METTL24: variants seen among roughly 807,000 people sequenced by gnomAD.
METTL24 encodes the protein probable methyltransferase-like protein 24.
METTL24 carries 29 observed loss-of-function variants against 32.7 expected under a neutral mutation model. That is an observed-to-expected ratio of 0.89 (90% confidence interval 0.66 to 1.21). The LOEUF is 1.21. Ranked by LOEUF, METTL24 falls within the 50% of genes most tolerant of loss-of-function variation. The pLI is 0.00. For synonymous variants in METTL24, 163 were observed against 179.5 expected (o/e 0.91, Z 0.73); for missense variants, 439 against 468.1 (o/e 0.94, Z 0.57).
chr6:110,331,253 G>C (rs555014580), intron 1 of METTL24, among the ~76,000 whole-genome samples: 34 of 152,256 alleles, frequency 2.2e-4, no homozygotes, highest in African/African-American at 7.0e-4. Context: ...TTGTGGGCAG[G>C]GGGGAAAGAG....
intron 4 of METTL24, among the ~76,000 whole-genome samples, chr6:110,273,690 C>G (rs1292330104): frequency 6.6e-6 from 1 of 152,152 alleles, no homozygotes; most frequent in Non-Finnish European, 1.5e-5. Context: ...CTTACCCCTG[C>G]AAGAATGGCA....
At chr6:110,281,910 G>A (rs17071379) in intron 4 of METTL24, among the ~76,000 whole-genome samples, 21,486 of 152,094 alleles carry the variant, frequency 0.14, 3,213 homozygotes, top group African/African-American at 0.38. Flanking sequence ...CTGTCACTAA[G>A]TAAAATATTT....
chr6:110,250,579 T>C (rs1207318249), intron 4 of METTL24, among the ~76,000 whole-genome samples: 1 of 152,024 alleles, frequency 6.6e-6, no homozygotes, highest in Non-Finnish European at 1.5e-5. Flanking sequence ...GCTTTTGCAA[T>C]AGGGCTTTTG....
In METTL24 at chr6:110,302,991, A is replaced by G. The variant is rs377039684; in HGVS notation, c.558-3841T>C. On this transcript the variant is annotated intron_variant, in intron 3 of 4. Coordinates refer to ENST00000338882, the MANE Select transcript of METTL24 (RefSeq NM_001123364.3). ...CTCATCTCATTGGGACTGGTTAGAC[A>G]GTGGGTGCATCCCACAGAGGGCGAG... Among the ~76,000 whole-genome samples, 110 of 152,198 alleles carry G rather than the reference A, an allele frequency of 7.2e-4. 3 individuals carry two copies. In the South Asian group the frequency reaches 0.018, roughly 25 times the overall value.
At chr6:110,346,028 C>T (rs1014314587) in intron 1 of METTL24, among the ~76,000 whole-genome samples, 15 of 152,192 alleles carry the variant, frequency 9.9e-5, no homozygotes, top group Admixed American at 9.8e-4. Flanking sequence ...AGCTTATGGG[C>T]CATACATAAG....
At chr6:110,283,740 T>G (rs945280121) in intron 4 of METTL24, among the ~76,000 whole-genome samples, 1 of 152,224 alleles carries the variant, frequency 6.6e-6, no homozygotes, top group Non-Finnish European at 1.5e-5. Context: ...TGTAAAATTA[T>G]GTACCTGCTA....
chr6:110,257,710 T>G (rs1001004969), intron 4 of METTL24, among the ~76,000 whole-genome samples: 1 of 152,252 alleles, frequency 6.6e-6, no homozygotes, highest in Non-Finnish European at 1.5e-5. Context: ...TAGCCTTGGC[T>G]GATAACACCA....
In METTL24 at chr6:110,246,083, T is replaced by C. The variant is rs1778152888; in HGVS notation, c.964A>G (p.Lys322Glu). The C allele has an allele frequency of 6.2e-7, 1 of 1,614,194 alleles. No individual in the cohort carries two copies. ...SVVRFWYSLL[K>E]ELEQKDFRLF... ...CTGAAATCCTTTTGTTCTAACTCTT[T>C]GAGAAGGCTGTACCAGAACCGCACA... Residue 322 changes from lysine (K) to glutamate (E), a missense_variant, in exon 5 of 5, where the codon AAA becomes GAA. Physicochemically the swap from Lys to Glu is moderately conservative, Grantham distance 56 (BLOSUM62 1). Coordinates refer to ENST00000338882, the MANE Select transcript of METTL24 (RefSeq NM_001123364.3).
intron 4 of METTL24, among the ~76,000 whole-genome samples, chr6:110,275,928 T>C (rs760443622): frequency 2.6e-4 from 40 of 152,268 alleles, no homozygotes; most frequent in Non-Finnish European, 4.6e-4. Context: ...AGAAGGCAAA[T>C]GATCCCCAAG....
intron 4 of METTL24, among the ~76,000 whole-genome samples, chr6:110,282,769 A>ACAC (rs1771160644): frequency 6.6e-6 from 1 of 152,156 alleles, no homozygotes; most frequent in Non-Finnish European, 1.5e-5. Flanking sequence ...CAGAATAATA[A>ACAC]CACCACAGCA....
chr6:110,323,955 G>A (rs1166775993), intron 1 of METTL24, among the ~76,000 whole-genome samples: 1 of 152,116 alleles, frequency 6.6e-6, no homozygotes, highest in East Asian at 1.9e-4. Context: ...CTCCAGTCAG[G>A]TACTGTGGTG....
At chr6:110,276,922 A>G (rs535190485) in intron 4 of METTL24, among the ~76,000 whole-genome samples, 2 of 152,222 alleles carry the variant, frequency 1.3e-5, no homozygotes, top group African/African-American at 4.8e-5. Context: ...AAGGTGGCAG[A>G]TAAGAAGAAT....
In METTL24 at chr6:110,244,832, A is replaced by G. The variant is rs1229004551; in HGVS notation, c.*1114T>C. On this transcript the variant is annotated 3_prime_UTR_variant, in exon 5 of 5. Transcript: ENST00000338882. ...ATTTGGTTGGGGACGTAGCCAAACC[A>G]TATTACTCATGGACTTATAATGAAG... Among the ~76,000 whole-genome samples, 3 of 152,182 alleles carry G rather than the reference A, an allele frequency of 2.0e-5. No individual in the cohort carries two copies. The highest frequency in any genetic ancestry group is 2.4e-5 in the African/African-American group (1 of 41,436).
chr6:110,282,534 C>T (rs1376600914), intron 4 of METTL24, among the ~76,000 whole-genome samples: 1 of 152,072 alleles, frequency 6.6e-6, no homozygotes, highest in Non-Finnish European at 1.5e-5. Flanking sequence ...CTTAATTTAC[C>T]TTGCTATTCA....
At chr6:110,266,316 T>A (rs758867629) in intron 4 of METTL24, among the ~76,000 whole-genome samples, 21 of 152,266 alleles carry the variant, frequency 1.4e-4, no homozygotes, top group Non-Finnish European at 2.6e-4. Flanking sequence ...ACTTATTGAG[T>A]GATATCCACA....
intron 1 of METTL24, among the ~76,000 whole-genome samples, chr6:110,326,948 C>T (rs991968076): frequency 6.6e-6 from 1 of 152,206 alleles, no homozygotes; most frequent in African/African-American, 2.4e-5. Context: ...TTCCAGCATT[C>T]TTTGGAAAGA....
At chr6:110,339,931 C>T (rs561144846) in intron 1 of METTL24, among the ~76,000 whole-genome samples, 2 of 152,250 alleles carry the variant, frequency 1.3e-5, no homozygotes, top group African/African-American at 2.4e-5. Context: ...CGAACATAAA[C>T]CAGGATGTGG....
chr6:110,251,901 T>C (rs943492962), intron 4 of METTL24, among the ~76,000 whole-genome samples: 1 of 152,176 alleles, frequency 6.6e-6, no homozygotes, highest in African/African-American at 2.4e-5. Flanking sequence ...CCCTGCACTT[T>C]GGGAGGCCAA....
chr6:110,323,556 G>A (rs1331869515), intron 1 of METTL24, among the ~76,000 whole-genome samples: 2 of 152,190 alleles, frequency 1.3e-5, no homozygotes, highest in African/African-American at 4.8e-5. Context: ...AGCAAGGATG[G>A]GTGGATGAAG....
Sources: allele counts gnomAD v4.1 joint callset (sites outside exome capture counted in the v4.1 genomes callset), GRCh38; gene constraint gnomAD v4.1.1; transcripts MANE v1.5; gene names NCBI Gene and HGNC (gene_info 2026-07-23, HGNC 2026-07-21).